The following RTF1 variants were observed in gnomAD, a reference collection of about 807,000 sequenced individuals.
RTF1 encodes the protein RTF1 homolog, Paf1/RNA polymerase II complex component, also known as RNA polymerase-associated protein RTF1 homolog.
A neutral mutation model predicts 95.7 loss-of-function variants in RTF1; 10 were observed. The ratio of observed to expected loss-of-function variants is 0.10; its 90% CI spans 0.06 to 0.18. The LOEUF (loss-of-function observed/expected upper bound fraction) is 0.18. Among genes scored for constraint, RTF1 ranks in the 10% least tolerant of loss-of-function variants. RTF1 has a pLI of 1.00. For synonymous variants in RTF1, 305 were observed against 311.8 expected (o/e 0.98, Z 0.23); for missense variants, 458 against 875.6 (o/e 0.52, Z 6.02).
At position 41,470,268 on chromosome 15, in the gene RTF1, G is replaced by A. The variant is rs757528502; in HGVS notation, c.901G>A (p.Ala301Thr). 1 of 1,612,640 alleles carries A rather than the reference G, an allele frequency of 6.2e-7. No homozygotes were observed. Residue 301 changes from alanine (A) to threonine (T), a missense_variant, in exon 7 of 18, where the codon GCC becomes ACC. This residue lies in a region of RTF1 where 7 missense variants were observed against 54.3 expected (regional missense o/e 0.13). Coordinates refer to ENST00000389629, the MANE Select transcript of RTF1 (RefSeq NM_015138.5). ...KRKNRTAELL[A>T]KKQPLKTSEV... ...TTCTTTCTTTCTAGCTGAGCTCCTT[G>A]CCAAAAAACAGCCATTAAAAACCAG...
chr15:41,468,913 C>T (rs547385418), intron 6 of RTF1, among the ~76,000 whole-genome samples: 39 of 152,210 alleles, frequency 2.6e-4, no homozygotes, highest in East Asian at 1.5e-3. Context: ...TCATTTTTAA[C>T]GTGCTTTATG....
At chr15:41,478,943 CTTTTT>C (rs374560005) in intron 15 of RTF1, 155 bp from the exon 16 acceptor site, 1,055 of 505,082 alleles carry the variant, frequency 2.1e-3, no homozygotes, top group South Asian at 2.7e-3. Context: ...TTGTAATTGC[CTTTTT>C]TTTTTTTTTT....
chr15:41,445,389 A>T (rs1835230053), intron 2 of RTF1, among the ~76,000 whole-genome samples: 2 of 152,160 alleles, frequency 1.3e-5, no homozygotes, highest in Admixed American at 1.3e-4. Flanking sequence ...ATTTTCAAGA[A>T]ATTCCGACAC....
intron 12 of RTF1, among the ~76,000 whole-genome samples, chr15:41,476,837 C>T (rs1028917914): frequency 6.6e-6 from 1 of 152,230 alleles, no homozygotes; most frequent in African/African-American, 2.4e-5. Context: ...TCAAGGCCAC[C>T]TGTGGCTGGT....
intron 6 of RTF1, among the ~76,000 whole-genome samples, chr15:41,469,466 C>T (rs766130114): frequency 6.6e-6 from 1 of 151,456 alleles, no homozygotes; most frequent in Admixed American, 6.6e-5. Flanking sequence ...AAGTGATCTA[C>T]CCACCTCGAC....
In RTF1 at chr15:41,470,660, T is replaced by C. The variant is rs1177156915; in HGVS notation, c.1025+268T>C. 5.2e-5 allele frequency among the ~76,000 whole-genome samples: 7 copies of C among 134,748 alleles called. No homozygotes were observed. In the South Asian group the frequency reaches 1.3e-3, roughly 25 times the overall value. The allele number at this position is 134,748 out of a possible 152,430, so 88.4% of individuals were successfully genotyped here. On this transcript the variant is annotated intron_variant, in intron 7 of 17. Transcript: ENST00000389629. ...GCTTTCATTCATTTTCTTTTTTTTT[T>C]TTTTTTTTTTTTTTTTGAGACGGAG...
In RTF1 at chr15:41,463,479, C is replaced by CT. The variant is rs2050862360; in HGVS notation, c.663-1285dup. On this transcript the variant is annotated intron_variant, in intron 4 of 17. Coordinates refer to ENST00000389629, the MANE Select transcript of RTF1 (RefSeq NM_015138.5). ...CTAACACTTTAACACTTGTCTTTTCCTTTTTTTGTTGTTGTTGAGACAGGG... is the reference window on the plus strand; with the variant it reads ...CTAACACTTTAACACTTGTCTTTTCCTTTTTTTTGTTGTTGTTGAGACAGGG... Among the ~76,000 whole-genome samples the CT allele has an allele frequency of 3.3e-5, 5 of 152,042 alleles. No individual in the cohort carries two copies. The South Asian group carries it at 1.0e-3, about 32-fold the overall frequency.
At chr15:41,469,440 C>G (rs1364991613) in intron 6 of RTF1, among the ~76,000 whole-genome samples, 1 of 151,014 alleles carries the variant, frequency 6.6e-6, no homozygotes, top group Non-Finnish European at 1.5e-5. Flanking sequence ...CAGGCTGGTC[C>G]CAAACCCCTG....
chr15:41,420,443 G>A (rs1487797224), intron 1 of RTF1, among the ~76,000 whole-genome samples: 1 of 152,130 alleles, frequency 6.6e-6, no homozygotes, highest in Non-Finnish European at 1.5e-5. Context: ...GGGGTCTTTA[G>A]GAATCCTAAT....
At chr15:41,418,851 A>T (rs1177586998) in intron 1 of RTF1, among the ~76,000 whole-genome samples, 1 of 151,078 alleles carries the variant, frequency 6.6e-6, no homozygotes, top group Non-Finnish European at 1.5e-5. Context: ...AGGACTTTTT[A>T]TTTATTTATT....
chr15:41,453,130 G>T (rs182738622), intron 3 of RTF1, 82 bp downstream of exon 3: 6 of 1,205,274 alleles, frequency 5.0e-6, no homozygotes, highest in East Asian at 2.5e-5. Context: ...GGGGAGGAAG[G>T]GGGGTACTTG....
chr15:41,419,307 G>A (rs2050588893), intron 1 of RTF1, among the ~76,000 whole-genome samples: 1 of 151,984 alleles, frequency 6.6e-6, no homozygotes, highest in Non-Finnish European at 1.5e-5. Context: ...TAATTGTTTT[G>A]TTTAGATTTT....
At chr15:41,468,650 C>T (rs988050040) in intron 6 of RTF1, among the ~76,000 whole-genome samples, 21 of 152,160 alleles carry the variant, frequency 1.4e-4, no homozygotes, top group Middle Eastern at 3.4e-3. Context: ...ATTTAGTTAC[C>T]CCCCAGGCAC....
intron 1 of RTF1, among the ~76,000 whole-genome samples, chr15:41,428,120 TG>T (rs1474383849): frequency 6.6e-6 from 1 of 151,514 alleles, no homozygotes; most frequent in African/African-American, 2.4e-5. Flanking sequence ...TTTTTAGAGC[TG>T]GGGTCTCACT....
Position 41,465,993 on chromosome 15 carries a change from A to G in RTF1, c.778-148A>G, listed in dbSNP as rs527301385. 314 of 508,908 alleles carry G rather than the reference A, an allele frequency of 6.2e-4. 2 individuals are homozygous for G. The South Asian group carries it at 9.1e-3, about 15-fold the overall frequency. The allele number at this position is 508,908 out of a possible 1,614,324, so 31.5% of individuals were successfully genotyped here. ...TACTGCGCTATCCTCTTTGTCCACA[A>G]GAGGATGCTCTCTCCCCTTACATAA... On this transcript the variant is annotated intron_variant, in intron 5 of 17. Coordinates refer to ENST00000389629, the MANE Select transcript of RTF1 (RefSeq NM_015138.5).
At chr15:41,456,432 T>A (rs554372038) in intron 3 of RTF1, among the ~76,000 whole-genome samples, 46 of 149,654 alleles carry the variant, frequency 3.1e-4, no homozygotes, top group African/African-American at 1.0e-3. Context: ...GAGCTTGCGC[T>A]GAGTCGAGAT....
intron 4 of RTF1, among the ~76,000 whole-genome samples, chr15:41,461,638 C>T (rs973220764): frequency 5.3e-5 from 8 of 151,952 alleles, no homozygotes; most frequent in Non-Finnish European, 8.8e-5. Flanking sequence ...TACAGGCGCC[C>T]GCCACCACAC....
At chr15:41,437,450 C>T (rs562033926) in intron 1 of RTF1, among the ~76,000 whole-genome samples, 24 of 151,562 alleles carry the variant, frequency 1.6e-4, no homozygotes, top group African/African-American at 5.1e-4. Context: ...AAGCCGAGGT[C>T]GCACCACTGT....
chr15:41,449,003 G>C (rs2050776998), intron 2 of RTF1, among the ~76,000 whole-genome samples: 1 of 151,426 alleles, frequency 6.6e-6, no homozygotes, highest in South Asian at 2.1e-4. Context: ...TCCTACCTTA[G>C]CCTCCTGAAT....
Sources: allele counts gnomAD v4.1 joint callset (sites outside exome capture counted in the v4.1 genomes callset), GRCh38; gene constraint gnomAD v4.1.1; regional missense constraint gnomAD v4.1.1; transcripts MANE v1.5; gene names NCBI Gene and HGNC (gene_info 2026-07-23, HGNC 2026-07-21).